UBE2D2: variants seen among roughly 807,000 people sequenced by gnomAD.
The protein encoded by UBE2D2 is ubiquitin conjugating enzyme E2 D2, also known as ubiquitin-conjugating enzyme E2 D2.
UBE2D2 carries 2 observed loss-of-function variants against 24.2 expected under a neutral mutation model. That is an observed-to-expected ratio of 0.08 (90% CI 0.03 to 0.26). The LOEUF (loss-of-function observed/expected upper bound fraction) is 0.26. UBE2D2 is among the 10% of genes least tolerant of loss of function. The pLI is 1.00. For synonymous variants in UBE2D2, 58 were observed against 56.5 expected, an observed-to-expected ratio of 1.03 and a Z score of -0.12; for missense variants, 44 against 177.6, an observed-to-expected ratio of 0.25 and a Z score of 4.28.
chr5:139,626,223 C>T (rs1183828165), intron 6 of UBE2D2, among the ~76,000 whole-genome samples: 1 of 152,066 alleles, frequency 6.6e-6, no homozygotes, highest in Non-Finnish European at 1.5e-5. Flanking sequence ...CATGCGCCAC[C>T]ACACCCTGCT....
intron 1 of UBE2D2, among the ~76,000 whole-genome samples, chr5:139,588,252 T>A (rs1753774306): frequency 6.6e-6 from 1 of 151,446 alleles, no homozygotes. Flanking sequence ...TTTAGCGTTT[T>A]TTTTTTTGTT....
Position 139,577,179 on chromosome 5 carries a change from C to T in UBE2D2, c.24+15364C>T, listed in dbSNP as rs141166309. 6.6e-3 allele frequency among the ~76,000 whole-genome samples: 1,007 copies of T among 152,034 alleles called. 8 individuals carry two copies. Among genetic ancestry groups the T allele is most frequent in the Non-Finnish European group, 8.5e-3 (581 of 67,992 alleles). On this transcript the variant is annotated intron_variant, in intron 1 of 6. Coordinates refer to ENST00000398733, the MANE Select transcript of UBE2D2 (RefSeq NM_003339.3). ...TGTTGGAGAATTTGTAAAACAGAAA[C>T]TTAACCACCTGTGCTTTGAAAGAGT...
intron 5 of UBE2D2, among the ~76,000 whole-genome samples, chr5:139,616,773 G>A (rs1754430301): frequency 6.6e-6 from 1 of 152,114 alleles, no homozygotes; most frequent in South Asian, 2.1e-4. Context: ...AATCCCAAAT[G>A]CTGAAAAAAC....
At chr5:139,585,847 G>A (rs1291939948) in intron 1 of UBE2D2, among the ~76,000 whole-genome samples, 1 of 145,406 alleles carries the variant, frequency 6.9e-6, no homozygotes, top group African/African-American at 2.5e-5. Context: ...TGAGGGAGGG[G>A]AATCACTTGA....
chr5:139,608,818 C>T (rs1480455969), intron 2 of UBE2D2, among the ~76,000 whole-genome samples: 1 of 152,180 alleles, frequency 6.6e-6, no homozygotes, highest in Non-Finnish European at 1.5e-5. Flanking sequence ...GGCCTGGTGG[C>T]TTATGCCTGT....
chr5:139,574,248 C>G (rs1753419189), intron 1 of UBE2D2, among the ~76,000 whole-genome samples: 1 of 143,476 alleles, frequency 7.0e-6, no homozygotes. Context: ...ACACTGCACT[C>G]CAGCCTGGGC....
chr5:139,546,612 A>G (rs1752828287), intron 1 of UBE2D2, among the ~76,000 whole-genome samples: 1 of 151,712 alleles, frequency 6.6e-6, no homozygotes, highest in Non-Finnish European at 1.5e-5. Context: ...CCCCATGTGT[A>G]GCTGGGATTA....
At chr5:139,587,918 T>C (rs1753765840) in intron 1 of UBE2D2, among the ~76,000 whole-genome samples, 1 of 152,064 alleles carries the variant, frequency 6.6e-6, no homozygotes, top group Admixed American at 6.6e-5. Flanking sequence ...AGCTCTCTGA[T>C]TGGTCGGGTA....
At chr5:139,589,119 G>A (rs553919176) in intron 1 of UBE2D2, among the ~76,000 whole-genome samples, 21 of 152,192 alleles carry the variant, frequency 1.4e-4, no homozygotes, top group South Asian at 2.1e-4. Context: ...TTAGCAGAGC[G>A]TCTTTGGTTT....
At chr5:139,623,793 G>A (rs910771872) in intron 6 of UBE2D2, 6 of 167,826 alleles carry the variant, frequency 3.6e-5, no homozygotes, top group Non-Finnish European at 6.4e-5. Flanking sequence ...CTGGGTTCAA[G>A]TGATTCTCAT....
intron 1 of UBE2D2, among the ~76,000 whole-genome samples, chr5:139,595,785 TG>T (rs1753945221): frequency 6.6e-6 from 1 of 152,012 alleles, no homozygotes; most frequent in Non-Finnish European, 1.5e-5. Context: ...AAATTCAAAA[TG>T]TGTAAAAGCA....
chr5:139,605,475 C>T (rs1208083330), intron 2 of UBE2D2, among the ~76,000 whole-genome samples: 1 of 151,310 alleles, frequency 6.6e-6, no homozygotes, highest in African/African-American at 2.4e-5. Context: ...GCCTGTAGTC[C>T]CAGCTATTCA....
intron 1 of UBE2D2, among the ~76,000 whole-genome samples, chr5:139,541,649 C>T (rs532312977): frequency 2.0e-5 from 3 of 150,970 alleles, no homozygotes; most frequent in Non-Finnish European, 4.4e-5. Flanking sequence ...ATGCTGGCAC[C>T]TGTAGTCAGA....
rs145609729 is a variant in UBE2D2, at chr5:139,585,351, T to G, written c.25-15021T>G. On this transcript the variant is annotated intron_variant, in intron 1 of 6. Transcript: ENST00000398733. ...CCTCAGCCTCCTGAGTAGCTAGTACTACAGGAATGTGCTACCACATCCCCG... is the reference window on the plus strand; with the variant it reads ...CCTCAGCCTCCTGAGTAGCTAGTACGACAGGAATGTGCTACCACATCCCCG... 2.5e-4 allele frequency among the ~76,000 whole-genome samples: 38 copies of G among 152,140 alleles called. No individual in the cohort carries two copies. In the East Asian group the frequency reaches 6.6e-3, roughly 26 times the overall value.
intron 1 of UBE2D2, chr5:139,562,111 T>C: frequency 1.9e-6 from 2 of 1,030,342 alleles, no homozygotes; most frequent in South Asian, 1.6e-5. Context: ...GCCGCTGCAC[T>C]TGAGGGCCAT....
intron 2 of UBE2D2, among the ~76,000 whole-genome samples, chr5:139,609,064 G>A (rs1168898516): frequency 6.6e-6 from 1 of 151,606 alleles, no homozygotes; most frequent in Non-Finnish European, 1.5e-5. Flanking sequence ...TCCAGCCCAG[G>A]CGACAGAGCG....
intron 1 of UBE2D2, among the ~76,000 whole-genome samples, chr5:139,569,543 G>A (rs1477236608): frequency 6.6e-6 from 1 of 152,146 alleles, no homozygotes; most frequent in African/African-American, 2.4e-5. Flanking sequence ...CACTTGTTTT[G>A]TCTGTAGAAA....
chr5:139,564,799 T>G (rs1753184130), intron 1 of UBE2D2, among the ~76,000 whole-genome samples: 1 of 152,190 alleles, frequency 6.6e-6, no homozygotes. Context: ...TCCCCTAGTT[T>G]ATTCCCTAGA....
intron 1 of UBE2D2, among the ~76,000 whole-genome samples, chr5:139,550,774 A>G (rs1361456796): frequency 6.6e-6 from 1 of 152,080 alleles, no homozygotes; most frequent in African/African-American, 2.4e-5. Context: ...GAAAGTCTGC[A>G]GCTTCACTCC....
Sources: gnomAD v4.1 joint callset for allele counts (sites outside exome capture counted in the v4.1 genomes callset) on GRCh38, gnomAD v4.1.1 for gene constraint, MANE v1.5 for transcripts, NCBI Gene and HGNC (gene_info 2026-07-23, HGNC 2026-07-21) for gene names.